KCNN2: variants seen among roughly 807,000 people sequenced by gnomAD.
The protein encoded by KCNN2 is potassium calcium-activated channel subfamily N member 2.
A neutral mutation model predicts 55.5 loss-of-function variants in KCNN2; 24 were observed. The ratio of observed to expected loss-of-function variants is 0.43; its 90% confidence interval spans 0.31 to 0.61. The LOEUF is 0.61. Ranked by LOEUF, KCNN2 falls within the 20% of genes least tolerant of loss-of-function variation. The pLI is 0.08. For missense variants in KCNN2, 754 were observed against 853.6 expected, an observed-to-expected ratio of 0.88 and a Z score of 1.45; for synonymous variants, 431 against 336.1, an observed-to-expected ratio of 1.28 and a Z score of -3.09.
intron 1 of KCNN2, among the ~76,000 whole-genome samples, chr5:114,114,718 T>C (rs1279271470): frequency 6.6e-6 from 1 of 152,146 alleles, no homozygotes; most frequent in Non-Finnish European, 1.5e-5. Context: ...ACCTCATTGT[T>C]GGTGGTTTTC....
chr5:114,442,566 C>T (rs543475407), intron 3 of KCNN2, among the ~76,000 whole-genome samples: 1 of 152,252 alleles, frequency 6.6e-6, no homozygotes, highest in Admixed American at 6.5e-5. Flanking sequence ...TTGTCTCTTT[C>T]CTGCCCTCAT....
chr5:114,076,254 C>T (rs563384464), intron 1 of KCNN2, among the ~76,000 whole-genome samples: 1 of 152,268 alleles, frequency 6.6e-6, no homozygotes, highest in African/African-American at 2.4e-5. Context: ...GTAGTTGATG[C>T]CCAAAGGGGC....
intron 2 of KCNN2, among the ~76,000 whole-genome samples, chr5:114,344,578 T>C (rs1757075441): frequency 6.6e-6 from 1 of 152,232 alleles, no homozygotes; most frequent in Non-Finnish European, 1.5e-5. Context: ...ACTCAGTCTC[T>C]GCTGCCCCCT....
At chr5:114,447,331 A>C (rs1311964828) in intron 3 of KCNN2, among the ~76,000 whole-genome samples, 3 of 152,174 alleles carry the variant, frequency 2.0e-5, no homozygotes, top group Non-Finnish European at 4.4e-5. Flanking sequence ...TGAGAACTGA[A>C]TGGTTTTAGA....
chr5:114,378,057 C>T (rs937370403), intron 2 of KCNN2, among the ~76,000 whole-genome samples: 6 of 152,128 alleles, frequency 3.9e-5, no homozygotes, highest in South Asian at 2.1e-4. Flanking sequence ...TGAAAGTTCT[C>T]GTAAGAGGGA....
intron 1 of KCNN2, among the ~76,000 whole-genome samples, chr5:114,184,104 A>G (rs2112556130): frequency 6.6e-6 from 1 of 152,228 alleles, no homozygotes; most frequent in East Asian, 1.9e-4. Context: ...ATTCTTTTCT[A>G]CAGCATTTTA....
chr5:114,321,164 G>C (rs1756607060), intron 2 of KCNN2, among the ~76,000 whole-genome samples: 1 of 152,170 alleles, frequency 6.6e-6, no homozygotes, highest in African/African-American at 2.4e-5. Flanking sequence ...GTTGATTGCT[G>C]GGGAAGTCTT....
chr5:114,254,937 A>C (rs1042038547), intron 2 of KCNN2, among the ~76,000 whole-genome samples: 2 of 152,172 alleles, frequency 1.3e-5, no homozygotes, highest in Non-Finnish European at 2.9e-5. Context: ...AACAATCTTA[A>C]GTAATCTGAT....
chr5:114,466,699 T>C lies in KCNN2; in HGVS notation c.1779+3509T>C, dbSNP rs549573142. Among the ~76,000 whole-genome samples, 15 of 152,244 alleles carry C rather than the reference T, an allele frequency of 9.9e-5. No homozygotes were observed. In the South Asian group the frequency reaches 3.1e-3, roughly 32 times the overall value. ...ACTAGAGTATGGATGACTGGATTTT[T>C]TGGTTTAATTATCTTTAAATATCGA... On this transcript the variant is annotated intron_variant, in intron 4 of 7. Transcript: ENST00000673685.
At chr5:114,423,096 AATTTT>A (rs1317234962) in intron 3 of KCNN2, among the ~76,000 whole-genome samples, 1 of 152,192 alleles carries the variant, frequency 6.6e-6, no homozygotes, top group Non-Finnish European at 1.5e-5. Context: ...TATTTTCCCA[AATTTT>A]CATGGAGTAC....
intron 1 of KCNN2, among the ~76,000 whole-genome samples, chr5:114,198,192 C>G (rs1753597045): frequency 6.6e-6 from 1 of 151,542 alleles, no homozygotes; most frequent in African/African-American, 2.4e-5. Context: ...TATGTTGAGT[C>G]TGATAAATAT....
Position 114,362,427 on chromosome 5 carries a change from C to G in KCNN2, c.288C>G (p.Gly96=), listed in dbSNP as rs937409648. The part of the protein sequence containing the change: ...LSLLLRTSSP[G]GAFRTRTSSP... The stretch of plus-strand genomic sequence containing the variant: ...TGCTGCTCCGCACCTCCTCGCCCGG[C>G]GGCGCCTTCCGGACCCGCACCTCCT... The change falls in exon 1 of 8, where the codon GGC becomes GGG. Residue 96 remains glycine (G), a synonymous_variant. Coordinates refer to ENST00000673685, the MANE Select transcript of KCNN2 (RefSeq NM_021614.4). 8.8e-6 allele frequency: 3 copies of G among 342,726 alleles called. No homozygotes were observed. The highest frequency in any genetic ancestry group is 1.6e-5 in the Non-Finnish European group (3 of 189,164). The allele number at this position is 342,726 out of a possible 1,614,324, so 21.2% of individuals were successfully genotyped here.
chr5:114,460,793 G>GTA (rs1435333704), intron 3 of KCNN2, among the ~76,000 whole-genome samples: 1 of 152,182 alleles, frequency 6.6e-6, no homozygotes, highest in East Asian at 1.9e-4. Context: ...CACTCAGTAA[G>GTA]TATGGTATGT....
chr5:114,396,907 A>G (rs979776581), intron 2 of KCNN2, among the ~76,000 whole-genome samples: 1 of 152,070 alleles, frequency 6.6e-6, no homozygotes, highest in African/African-American at 2.4e-5. Flanking sequence ...CCTGGTGTCT[A>G]TCATTTCCTT....
chr5:114,218,040 G>T (rs1754044697), intron 1 of KCNN2, among the ~76,000 whole-genome samples: 1 of 152,158 alleles, frequency 6.6e-6, no homozygotes, highest in African/African-American at 2.4e-5. Flanking sequence ...AAGCAACAAT[G>T]ACATACCACT....
chr5:114,495,459 T>C (rs920656772), intron 7 of KCNN2, among the ~76,000 whole-genome samples: 4 of 152,234 alleles, frequency 2.6e-5, no homozygotes, highest in African/African-American at 9.6e-5. Flanking sequence ...TCTGTATTAT[T>C]ATTTATCCCT....
intron 2 of KCNN2, among the ~76,000 whole-genome samples, chr5:114,380,605 C>T (rs1239029339): frequency 6.6e-6 from 1 of 152,174 alleles, no homozygotes; most frequent in Non-Finnish European, 1.5e-5. Flanking sequence ...ATACTTAGTC[C>T]AGTGCTAGAC....
intron 1 of KCNN2, among the ~76,000 whole-genome samples, chr5:114,199,394 G>A (rs1474834644): frequency 6.6e-6 from 1 of 152,002 alleles, no homozygotes; most frequent in Admixed American, 6.6e-5. Flanking sequence ...TCTTTTAAGT[G>A]AAGCATTTAA....
At chr5:114,133,200 C>T (rs1029808229) in intron 1 of KCNN2, among the ~76,000 whole-genome samples, 1 of 151,830 alleles carries the variant, frequency 6.6e-6, no homozygotes, top group Non-Finnish European at 1.5e-5. Flanking sequence ...TGATTCCCAT[C>T]AGATTTTTTT....
Sources: gnomAD v4.1 joint callset for allele counts (sites outside exome capture counted in the v4.1 genomes callset) on GRCh38, gnomAD v4.1.1 for gene constraint, MANE v1.5 for transcripts, NCBI Gene and HGNC (gene_info 2026-07-23, HGNC 2026-07-21) for gene names.